Variants in HPD observed in about 807,000 individuals in gnomAD.
The protein encoded by HPD is 4-hydroxyphenylpyruvic acid oxidase.
A neutral mutation model predicts 56.9 loss-of-function variants in HPD; 35 were observed. That is an observed-to-expected ratio of 0.62 (90% CI 0.47 to 0.82). HPD has a LOEUF of 0.82. Among genes scored for constraint, HPD ranks in the 40% least tolerant of loss-of-function variants. The pLI is 0.00. For missense variants in HPD, 442 were observed against 506.8 expected (o/e 0.87, Z 1.23); for synonymous variants, 186 against 200.2 (o/e 0.93, Z 0.60).
At chr12:121,880,870 C>A in the HPD span, among the ~76,000 whole-genome samples, 4 of 152,272 alleles carry the variant, frequency 2.6e-5, no homozygotes, top group African/African-American at 9.6e-5. Flanking sequence ...CCTCAGCTCA[C>A]TGCAACCACT....
At chr12:121,879,482 G>GTTTTCTTCTCTTCTC in the HPD span, among the ~76,000 whole-genome samples, 1 of 148,014 alleles carries the variant, frequency 6.8e-6, no homozygotes, top group East Asian at 2.0e-4. Flanking sequence ...TTTCTCTTCT[G>GTTTTCTTCTCTTCTC]TTCTCTTCTC....
chr12:121,847,264 G>C (rs1482052859), intron 9 of HPD, 50 bp from the exon 10 acceptor site: 2 of 1,575,090 alleles, frequency 1.3e-6, no homozygotes, highest in Non-Finnish European at 1.7e-6. Context: ...TCCAGGGACG[G>C]CCTCCATCAC....
intron 11 of HPD, among the ~76,000 whole-genome samples, chr12:121,846,605 C>T (rs1036401309): frequency 1.3e-5 from 2 of 152,160 alleles, no homozygotes; most frequent in Non-Finnish European, 2.9e-5. Context: ...CTGGCAGAAC[C>T]GGGACCATCA....
At chr12:121,871,452 C>T in the HPD span, among the ~76,000 whole-genome samples, 4 of 152,126 alleles carry the variant, frequency 2.6e-5, no homozygotes, top group African/African-American at 9.7e-5. Context: ...CCCAAACAGG[C>T]AGAACTAGTG....
chr12:121,852,378 C>A (rs970931522), intron 7 of HPD, among the ~76,000 whole-genome samples: 4 of 151,950 alleles, frequency 2.6e-5, no homozygotes, highest in Non-Finnish European at 4.4e-5. Flanking sequence ...CTATCTTGCC[C>A]ATGCTGGTCT....
intron 12 of HPD, among the ~76,000 whole-genome samples, chr12:121,841,412 T>C (rs868297035): frequency 6.6e-6 from 1 of 152,148 alleles, no homozygotes; most frequent in Non-Finnish European, 1.5e-5. Context: ...GTGACCTAGC[T>C]ACTCCTAGAT....
the HPD span, among the ~76,000 whole-genome samples, chr12:121,876,963 G>A: frequency 6.6e-6 from 1 of 151,808 alleles, no homozygotes; most frequent in South Asian, 2.1e-4. Context: ...GCATGGTGGT[G>A]CACGCCTGTA....
At chr12:121,849,286 T>C (rs888710638) in intron 8 of HPD, among the ~76,000 whole-genome samples, 1 of 152,072 alleles carries the variant, frequency 6.6e-6, no homozygotes, top group African/African-American at 2.4e-5. Context: ...TGCTTCAGAC[T>C]CCCAAAGTGC....
At chr12:121,876,579 C>T in the HPD span, among the ~76,000 whole-genome samples, 1 of 152,152 alleles carries the variant, frequency 6.6e-6, no homozygotes, top group Non-Finnish European at 1.5e-5. Context: ...TAAGGTTACT[C>T]AAGCCCAGCC....
chr12:121,865,091 A>T (rs879921850), upstream of HPD, among the ~76,000 whole-genome samples: 3 of 151,934 alleles, frequency 2.0e-5, no homozygotes, highest in Non-Finnish European at 2.9e-5. Context: ...AACATGGTGA[A>T]ACCCCGTCTC....
At chr12:121,871,722 G>C in the HPD span, among the ~76,000 whole-genome samples, 1 of 152,140 alleles carries the variant, frequency 6.6e-6, no homozygotes. Flanking sequence ...ATGGCTGGGA[G>C]GGACCAGAGA....
chr12:121,865,312 C>T (rs1199798110), upstream of HPD, among the ~76,000 whole-genome samples: 1 of 151,816 alleles, frequency 6.6e-6, no homozygotes, highest in Non-Finnish European at 1.5e-5. Context: ...TTTTGTTGCC[C>T]AGGCTGGAGT....
the HPD span, among the ~76,000 whole-genome samples, chr12:121,872,410 T>C: frequency 6.6e-6 from 1 of 151,728 alleles, no homozygotes; most frequent in Non-Finnish European, 1.5e-5. Flanking sequence ...TTTGTATTTT[T>C]AGTAGAGACG....
chr12:121,878,833 CA>C, the HPD span, among the ~76,000 whole-genome samples: 1 of 151,892 alleles, frequency 6.6e-6, no homozygotes, highest in South Asian at 2.1e-4. Flanking sequence ...GCTACCACAC[CA>C]GGCTATTTTT....
At chr12:121,855,238 A>C (rs769136973) in intron 6 of HPD, among the ~76,000 whole-genome samples, 1 of 152,212 alleles carries the variant, frequency 6.6e-6, no homozygotes, top group Non-Finnish European at 1.5e-5. Context: ...CAGCAACATT[A>C]TGCAAAAGTA....
chr12:121,867,256 G>A (rs1453851701), upstream of HPD, among the ~76,000 whole-genome samples: 5 of 151,520 alleles, frequency 3.3e-5, no homozygotes, highest in East Asian at 5.9e-4. Context: ...GGAGGCTGAC[G>A]CATGAGAATC....
intron 11 of HPD, 88 bp downstream of exon 11, chr12:121,846,774 G>C: frequency 8.0e-7 from 1 of 1,249,362 alleles, no homozygotes. Context: ...ACGGGCCCAG[G>C]ACTGCCGCCA....
upstream of HPD, among the ~76,000 whole-genome samples, chr12:121,864,894 G>T (rs1878283966): frequency 6.6e-6 from 1 of 151,856 alleles, no homozygotes; most frequent in South Asian, 2.1e-4. Context: ...AAAAACTCCT[G>T]TTATAGACAA....
In HPD at chr12:121,843,656, C is replaced by T. The variant is rs754491757; in HGVS notation, c.954+54G>A. 1.2e-5 allele frequency: 19 copies of T among 1,606,134 alleles called. No homozygotes were observed. In the South Asian group the frequency reaches 1.9e-4, roughly 16 times the overall value. ...CTGAGACAATATTTCTGAAAAGATGCAATGCAGAGCTCATACTCCCCCCAC... is the reference window on the plus strand; with the variant it reads ...CTGAGACAATATTTCTGAAAAGATGTAATGCAGAGCTCATACTCCCCCCAC... On this transcript the variant is annotated intron_variant, in intron 12 of 13. Coordinates refer to ENST00000289004, the MANE Select transcript of HPD (RefSeq NM_002150.3).
Sources: allele counts gnomAD v4.1 joint callset (sites outside exome capture counted in the v4.1 genomes callset), GRCh38; gene constraint gnomAD v4.1.1; transcripts MANE v1.5; gene names NCBI Gene and HGNC (gene_info 2026-07-23, HGNC 2026-07-21).